The following DOCK1 variants were observed in gnomAD, a reference collection of about 807,000 sequenced individuals.
DOCK1 encodes dedicator of cytokinesis protein 1.
DOCK1 carries 138 observed loss-of-function variants against 262.7 expected under a neutral mutation model. The observed-to-expected ratio is 0.53, with a 90% CI of 0.46 to 0.61. The LOEUF (loss-of-function observed/expected upper bound fraction) is 0.61, where lower values mean the gene tolerates loss of function less well. Ranked by LOEUF, DOCK1 falls within the 20% of genes least tolerant of loss-of-function variation. The probability of loss-of-function intolerance (pLI) is 0.00; values close to 1 mark genes in which losing one functional copy is unlikely to be tolerated. For missense variants in DOCK1, 1,908 were observed against 2,370.7 expected (o/e 0.80, Z 4.05); for synonymous variants, 866 against 867.4 (o/e 1.00, Z 0.03).
rs777823335 is a variant in DOCK1, at chr10:127,018,854, A to G, written c.1327+19A>G. The G allele has an allele frequency of 6.2e-7, 1 of 1,612,094 alleles. No individual in the cohort carries two copies. The highest frequency in any genetic ancestry group is 8.5e-7 in the Non-Finnish European group (1 of 1,178,596). On this transcript the variant is annotated intron_variant, in intron 13 of 51. Transcript: ENST00000623213. The stretch of plus-strand genomic sequence containing the variant: ...ATGCCTGGTAAGAACTGGCTTGTTC[A>G]GGGCTTCTCAGCATGGCATGGGGGT...
intron 21 of DOCK1, among the ~76,000 whole-genome samples, chr10:127,050,080 C>A (rs2044618092): frequency 1.3e-5 from 2 of 148,540 alleles, no homozygotes; most frequent in Non-Finnish European, 3.0e-5. Context: ...ATTGAACCGG[C>A]TCTCAGAGGT....
chr10:127,181,670 A>C (rs1311614795), intron 27 of DOCK1, among the ~76,000 whole-genome samples: 1 of 152,208 alleles, frequency 6.6e-6, no homozygotes, highest in Non-Finnish European at 1.5e-5. Flanking sequence ...TCCATATGCC[A>C]AGGGGGTGCC....
intron 1 of DOCK1, among the ~76,000 whole-genome samples, chr10:126,936,084 G>T (rs1238961414): frequency 6.6e-6 from 1 of 152,178 alleles, no homozygotes; most frequent in Non-Finnish European, 1.5e-5. Flanking sequence ...AGGCTCAAGT[G>T]ATCTTCCCAC....
chr10:126,922,740 A>G lies in DOCK1; in HGVS notation c.46+17177A>G, dbSNP rs1208989654. On this transcript the variant is annotated intron_variant, in intron 1 of 51. Coordinates refer to ENST00000623213, the MANE Select transcript of DOCK1 (RefSeq NM_001290223.2). ...GGTGGTTGCACAACATTAGGAATGT[A>G]CTAAATATTACACACTACTAAATTG... Among the ~76,000 whole-genome samples the G allele has an allele frequency of 3.3e-5, 5 of 152,222 alleles. No individual in the cohort carries two copies. The East Asian group carries it at 7.7e-4, about 23-fold the overall frequency.
chr10:127,168,390 C>T (rs993441823), intron 27 of DOCK1, among the ~76,000 whole-genome samples: 2 of 152,244 alleles, frequency 1.3e-5, no homozygotes, highest in African/African-American at 2.4e-5. Flanking sequence ...GAGCATTTGG[C>T]AGCAACAACC....
At chr10:127,232,630 T>C (rs1052286332) in intron 27 of DOCK1, among the ~76,000 whole-genome samples, 1 of 152,202 alleles carries the variant, frequency 6.6e-6, no homozygotes, top group Admixed American at 6.5e-5. Flanking sequence ...TGACCCTGTT[T>C]CCATTTAACC....
chr10:127,018,937 G>A, intron 13 of DOCK1, 102 bp downstream of exon 13: 1 of 1,514,878 alleles, frequency 6.6e-7, no homozygotes, highest in Non-Finnish European at 8.9e-7. Context: ...GGCAAGGAAA[G>A]GGCTCAGCTC....
At chr10:127,195,647 T>G (rs1405860266) in intron 27 of DOCK1, among the ~76,000 whole-genome samples, 2 of 152,092 alleles carry the variant, frequency 1.3e-5, no homozygotes, top group Admixed American at 1.3e-4. Context: ...TTTGCCTGGC[T>G]AGGGCTGTCG....
chr10:127,441,616 G>A (rs532717410), intron 49 of DOCK1, among the ~76,000 whole-genome samples: 5 of 152,242 alleles, frequency 3.3e-5, no homozygotes, highest in Admixed American at 2.0e-4. Context: ...CCAGCCATGC[G>A]CAGGAGGGGA....
At position 127,444,152 on chromosome 10, in the gene DOCK1, G is replaced by A. The variant is rs35124691; in HGVS notation, c.5286G>A (p.Pro1762=). 6.9e-3 allele frequency: 10,878 copies of A among 1,579,040 alleles called. 50 individuals are homozygous for A. Among genetic ancestry groups the A allele is most frequent in the Non-Finnish European group, 8.2e-3 (9,512 of 1,163,156 alleles). ...TAAGTCCCCTGCGGCCCCAGAGACC[G>A]AAGAGCCAGGTGATGAACGTCATTG... The part of the protein sequence containing the change: ...ETISPLRPQR[P]KSQVMNVIGS... The change falls in exon 50 of 52, where the codon CCG becomes CCA. Residue 1762 remains proline (P), a synonymous_variant. Coordinates refer to ENST00000623213, the MANE Select transcript of DOCK1 (RefSeq NM_001290223.2).
chr10:127,325,399 T>C (rs576991829), intron 29 of DOCK1, among the ~76,000 whole-genome samples: 1 of 152,340 alleles, frequency 6.6e-6, no homozygotes, highest in African/African-American at 2.4e-5. Flanking sequence ...CTGGGCACTC[T>C]ATGCAATGTG....
At chr10:127,347,496 G>T (rs1253945201) in intron 31 of DOCK1, among the ~76,000 whole-genome samples, 1 of 152,204 alleles carries the variant, frequency 6.6e-6, no homozygotes, top group African/African-American at 2.4e-5. Context: ...GGGACATCGA[G>T]TGCCAAAGGG....
At chr10:126,952,868 GTATTGTTAT>G (rs2036412736) in intron 1 of DOCK1, among the ~76,000 whole-genome samples, 2 of 93,212 alleles carry the variant, frequency 2.1e-5, no homozygotes, top group Non-Finnish European at 4.7e-5. Context: ...TGATGTGGTA[GTATTGTTAT>G]TGTTGGTAGT....
At chr10:126,916,922 CCAGCGGTGTTTCAGAATTCCAGT>C (rs2032565533) in intron 1 of DOCK1, among the ~76,000 whole-genome samples, 1 of 122,510 alleles carries the variant, frequency 8.2e-6, no homozygotes, top group African/African-American at 3.0e-5. Flanking sequence ...CTGTGTGAGG[CCAGCGGTGTTTCAGAATTCCAGT>C]TTGTCACAGT....
At chr10:127,338,599 C>T (rs572045011) in intron 29 of DOCK1, among the ~76,000 whole-genome samples, 7 of 152,268 alleles carry the variant, frequency 4.6e-5, no homozygotes, top group African/African-American at 9.6e-5. Context: ...CAGCTCCTTG[C>T]GAAGAGTGCT....
intron 5 of DOCK1, 66 bp from the exon 6 acceptor site, chr10:126,990,389 T>C: frequency 6.7e-7 from 1 of 1,485,394 alleles, no homozygotes; most frequent in Non-Finnish European, 9.1e-7. Context: ...GAGATAGCCA[T>C]TCTCTACCAT....
chr10:127,018,616 T>C, intron 12 of DOCK1, 94 bp from the exon 13 acceptor site: 1 of 1,582,874 alleles, frequency 6.3e-7, no homozygotes, highest in Non-Finnish European at 8.6e-7. Context: ...GAATTGTGAA[T>C]TAAAAGTCTC....
chr10:126,918,577 C>T (rs962193619), intron 1 of DOCK1, among the ~76,000 whole-genome samples: 16 of 152,286 alleles, frequency 1.1e-4, no homozygotes, highest in South Asian at 4.1e-4. Flanking sequence ...CAGTAGATCC[C>T]GGTAGCAGGA....
intron 27 of DOCK1, among the ~76,000 whole-genome samples, chr10:127,170,836 A>G (rs752444108): frequency 8.5e-5 from 13 of 152,256 alleles, no homozygotes; most frequent in African/African-American, 2.9e-4. Flanking sequence ...CAAGCATAAT[A>G]CTAAGAGCTC....
Sources: allele counts gnomAD v4.1 joint callset (sites outside exome capture counted in the v4.1 genomes callset), GRCh38; gene constraint gnomAD v4.1.1; transcripts MANE v1.5; gene names NCBI Gene and HGNC (gene_info 2026-07-23, HGNC 2026-07-21).